The following ADGRV1 variants were observed in gnomAD, a reference collection of about 807,000 sequenced individuals.
ADGRV1 encodes adhesion G protein-coupled receptor V1, also known as G-protein coupled receptor 98.
ADGRV1 carries 359 observed loss-of-function variants against 596.2 expected under a neutral mutation model. The ratio of observed to expected loss-of-function variants is 0.60; its 90% CI spans 0.55 to 0.66. ADGRV1 has a LOEUF of 0.66. ADGRV1 is among the 30% of genes least tolerant of loss of function. The pLI is 0.00. For missense variants in ADGRV1, 7,274 were observed against 7,575.6 expected (o/e 0.96, Z 1.48); for synonymous variants, 2,681 against 2,679.2 (o/e 1.00, Z -0.02).
chr5:90,609,878 T>G (rs1762533496), intron 1 of ADGRV1, among the ~76,000 whole-genome samples: 1 of 152,024 alleles, frequency 6.6e-6, no homozygotes, highest in Non-Finnish European at 1.5e-5. Flanking sequence ...ACTGTACAGT[T>G]GTTTATTCTG....
At chr5:90,638,025 C>A in intron 11 of ADGRV1, 77 bp downstream of exon 11, 1 of 1,010,576 alleles carries the variant, frequency 9.9e-7, no homozygotes, top group Non-Finnish European at 1.4e-6. Context: ...TTTTTTTACT[C>A]TTTTTTTTCT....
intron 83 of ADGRV1, among the ~76,000 whole-genome samples, chr5:90,893,029 C>A (rs895007951): frequency 6.6e-6 from 1 of 152,130 alleles, no homozygotes; most frequent in African/African-American, 2.4e-5. Flanking sequence ...AAACAACAAT[C>A]ATTTATTATG....
rs34877452 is a variant in ADGRV1 at position 90,691,314 on chromosome 5, CAT to C, written c.6951+284_6951+285del. Among the ~76,000 whole-genome samples, 52,550 of 148,816 alleles carry C rather than the reference CAT, an allele frequency of 0.35. 9,545 individuals are homozygous for C. Among genetic ancestry groups the C allele is most frequent in the Admixed American group, 0.49 (7,235 of 14,852 alleles). On this transcript the variant is annotated intron_variant, in intron 31 of 89. Transcript: ENST00000405460. ...AACATTTTGGTTAAAAGGTTAAATA[CAT>C]ATATATATATGTATATACACATATA...
At chr5:90,870,058 G>A (rs1469717194) in intron 83 of ADGRV1, among the ~76,000 whole-genome samples, 1 of 152,152 alleles carries the variant, frequency 6.6e-6, no homozygotes, top group Non-Finnish European at 1.5e-5. Context: ...ATTGGAGAAC[G>A]ATATGTGCAA....
chr5:90,752,310 TA>T (rs1166007111), intron 53 of ADGRV1, among the ~76,000 whole-genome samples: 5 of 152,180 alleles, frequency 3.3e-5, no homozygotes, highest in African/African-American at 1.2e-4. Context: ...TTTTAACTTT[TA>T]TTTTAAGTTC....
intron 77 of ADGRV1, among the ~76,000 whole-genome samples, chr5:90,829,542 CA>C (rs1331455644): frequency 2.0e-5 from 3 of 152,022 alleles, no homozygotes; most frequent in African/African-American, 4.8e-5. Context: ...GTTTTGTTTC[CA>C]AAACAGTTGA....
chr5:90,992,960 T>C (rs1054370676), intron 85 of ADGRV1, among the ~76,000 whole-genome samples: 4 of 152,150 alleles, frequency 2.6e-5, no homozygotes, highest in Admixed American at 2.0e-4. Flanking sequence ...TACATAATTA[T>C]AGCACAATGA....
chr5:91,150,380 A>G (rs897665188), intron 88 of ADGRV1, among the ~76,000 whole-genome samples, 159 bp downstream of exon 88: 1 of 152,144 alleles, frequency 6.6e-6, no homozygotes, highest in Admixed American at 6.5e-5. Context: ...AATCAAGATG[A>G]ATCACACCAG....
rs141512776 is a variant in ADGRV1 at position 90,607,263 on chromosome 5, G to T, written c.23-7572G>T. ...AATTTATACAGAATAGCCACTAAAGGCACAGGAAATAATAGTATCAGGTAC... is the reference window on the plus strand; with the variant it reads ...AATTTATACAGAATAGCCACTAAAGTCACAGGAAATAATAGTATCAGGTAC... On this transcript the variant is annotated intron_variant, in intron 1 of 89. Coordinates refer to ENST00000405460, the MANE Select transcript of ADGRV1 (RefSeq NM_032119.4). Among the ~76,000 whole-genome samples the T allele has an allele frequency of 2.9e-3, 434 of 152,230 alleles. 2 individuals carry two copies. Among genetic ancestry groups the T allele is most frequent in the African/African-American group, 9.5e-3 (394 of 41,530 alleles).
chr5:90,624,563 A>G (rs573220216), intron 5 of ADGRV1, among the ~76,000 whole-genome samples: 1 of 152,198 alleles, frequency 6.6e-6, no homozygotes, highest in South Asian at 2.1e-4. Context: ...CTCTCATGCT[A>G]TTCTTAATTT....
At position 91,163,990 on chromosome 5, in the gene ADGRV1, G is replaced by T; in HGVS notation, c.*90G>T. On this transcript the variant is annotated 3_prime_UTR_variant, in exon 90 of 90. Coordinates refer to ENST00000405460, the MANE Select transcript of ADGRV1 (RefSeq NM_032119.4). Reference sequence around the variant, plus strand: ...CTAAGTACATCCACCTGTGTAATAGGAACCTGTGAATTGTACTGGATGATT... The same window carrying T: ...CTAAGTACATCCACCTGTGTAATAGTAACCTGTGAATTGTACTGGATGATT... The T allele has an allele frequency of 1.4e-6, 1 of 718,846 alleles. No homozygotes were observed. The highest frequency in any genetic ancestry group is 2.5e-6 in the Non-Finnish European group (1 of 392,660). 44.5% of individuals were successfully genotyped at this position (718,846 alleles called of 1,614,324 possible).
rs574628529 is a variant in ADGRV1 at position 91,109,936 on chromosome 5, A to G, written c.18432+7596A>G. Among the ~76,000 whole-genome samples, 51 of 152,348 alleles carry G rather than the reference A, an allele frequency of 3.3e-4. 2 individuals are homozygous for G. The highest frequency in any genetic ancestry group is 7.3e-5 in the Non-Finnish European group (5 of 68,036). ...TTTCTAAATTTGCTTGTTCATTGAT[A>G]TAAGTTTGAACAAGGCCAATGACAG... On this transcript the variant is annotated intron_variant, in intron 87 of 89. Transcript: ENST00000405460.
At chr5:91,028,755 T>TTTTTA (rs1784236798) in intron 85 of ADGRV1, among the ~76,000 whole-genome samples, 1 of 150,088 alleles carries the variant, frequency 6.7e-6, no homozygotes, top group Non-Finnish European at 1.5e-5. Flanking sequence ...TTTTTTTTTT[T>TTTTTA]AGGAGTCTTG....
intron 50 of ADGRV1, among the ~76,000 whole-genome samples, chr5:90,741,078 C>T (rs73177403): frequency 0.012 from 1,837 of 152,184 alleles, 15 homozygotes; most frequent in Middle Eastern, 0.061. Context: ...TGATGTCATT[C>T]TATTTACCTC....
At chr5:90,819,201 G>C (rs1450326444) in intron 75 of ADGRV1, among the ~76,000 whole-genome samples, 1 of 152,074 alleles carries the variant, frequency 6.6e-6, no homozygotes, top group Non-Finnish European at 1.5e-5. Flanking sequence ...GTTTATTTGC[G>C]TAGAGGTGTT....
At chr5:90,722,206 T>G (rs1751134405) in intron 45 of ADGRV1, among the ~76,000 whole-genome samples, 1 of 152,040 alleles carries the variant, frequency 6.6e-6, no homozygotes, top group South Asian at 2.1e-4. Flanking sequence ...AGACTAGGTG[T>G]TGAGTATGAA....
At chr5:90,869,673 TTGTC>T (rs1768479152) in intron 83 of ADGRV1, among the ~76,000 whole-genome samples, 2 of 152,192 alleles carry the variant, frequency 1.3e-5, no homozygotes, top group Admixed American at 6.5e-5. Flanking sequence ...TGCACTTTTC[TTGTC>T]TGTCTTTAAA....
At chr5:90,974,371 C>T (rs1168793101) in intron 84 of ADGRV1, among the ~76,000 whole-genome samples, 4 of 152,044 alleles carry the variant, frequency 2.6e-5, no homozygotes, top group Admixed American at 6.6e-5. Context: ...TATGGAACCA[C>T]GAAAGAGCCT....
chr5:90,958,030 A>G (rs532126415), intron 83 of ADGRV1, among the ~76,000 whole-genome samples: 2 of 152,068 alleles, frequency 1.3e-5, no homozygotes, highest in South Asian at 4.1e-4. Flanking sequence ...AATATTTTTT[A>G]TTTGGGAGGC....
Sources: gnomAD v4.1 joint callset for allele counts (sites outside exome capture counted in the v4.1 genomes callset) on GRCh38, gnomAD v4.1.1 for gene constraint, MANE v1.5 for transcripts, NCBI Gene and HGNC (gene_info 2026-07-23, HGNC 2026-07-21) for gene names.